The following RBFOX1 variants were observed in gnomAD, a reference collection of about 807,000 sequenced individuals.
RBFOX1 encodes RNA binding protein fox-1 homolog 1.
Under a neutral mutation model 57.7 loss-of-function variants are expected in RBFOX1, and 8 were observed. The observed-to-expected ratio is 0.14, with a 90% CI of 0.08 to 0.25. RBFOX1 has a LOEUF of 0.25. Ranked by LOEUF, RBFOX1 falls within the 10% of genes least tolerant of loss-of-function variation. RBFOX1 has a pLI of 1.00. For synonymous variants in RBFOX1, 326 were observed against 222.4 expected (o/e 1.47, Z -4.15); for missense variants, 611 against 548.5 (o/e 1.11, Z -1.14).
chr16:6,106,734 C>G (rs1337835025), intron 1 of RBFOX1, among the ~76,000 whole-genome samples: 2 of 152,108 alleles, frequency 1.3e-5, no homozygotes, highest in Admixed American at 1.3e-4. Context: ...GTGGCCTGAT[C>G]TCAGCTCACT....
In RBFOX1 at chr16:6,844,581, T is replaced by G. The variant is rs554376463; in HGVS notation, c.-16+189931T>G. ...ACGACTTTTTTTTTTATCCAGTCTT[T>G]GTCATTGATGGGCATTTAGGTTGAG... On this transcript the variant is annotated intron_variant, in intron 3 of 15. Coordinates refer to ENST00000550418, the MANE Select transcript of RBFOX1 (RefSeq NM_018723.4). Among the ~76,000 whole-genome samples, 5 of 152,268 alleles carry G rather than the reference T, an allele frequency of 3.3e-5. No homozygotes were observed. The East Asian group carries it at 9.7e-4, about 29-fold the overall frequency.
intron 3 of RBFOX1, among the ~76,000 whole-genome samples, chr16:5,751,499 T>C (rs2053202494): frequency 6.6e-6 from 1 of 152,182 alleles, no homozygotes; most frequent in Non-Finnish European, 1.5e-5. Flanking sequence ...CACATAATTG[T>C]TTTTGGTCTC....
intron 4 of RBFOX1, among the ~76,000 whole-genome samples, chr16:5,899,670 A>C (rs1266469723): frequency 6.6e-6 from 1 of 152,180 alleles, no homozygotes; most frequent in African/African-American, 2.4e-5. Flanking sequence ...TGCATTATCA[A>C]AGCTGGAGAG....
chr16:6,000,627 G>A (rs1328198566), intron 4 of RBFOX1, among the ~76,000 whole-genome samples: 1 of 152,044 alleles, frequency 6.6e-6, no homozygotes, highest in African/African-American at 2.4e-5. Context: ...TTTGTTGAAT[G>A]GATGGATAGG....
intron 3 of RBFOX1, among the ~76,000 whole-genome samples, chr16:6,823,375 GC>G (rs1396198007): frequency 6.6e-6 from 1 of 151,822 alleles, no homozygotes; most frequent in Non-Finnish European, 1.5e-5. Context: ...TCCTGCCTCA[GC>G]CTCCCAAGTA....
At chr16:6,440,907 A>G (rs1441047764) in intron 2 of RBFOX1, among the ~76,000 whole-genome samples, 1 of 152,102 alleles carries the variant, frequency 6.6e-6, no homozygotes, top group African/African-American at 2.4e-5. Flanking sequence ...GGAGAATAGA[A>G]GGCAATGCTC....
chr16:5,421,775 C>T (rs2067335233), intron 1 of RBFOX1, among the ~76,000 whole-genome samples: 1 of 152,196 alleles, frequency 6.6e-6, no homozygotes, highest in South Asian at 2.1e-4. Flanking sequence ...ATAACCCTTA[C>T]TCATCCAGAT....
At chr16:7,572,722 A>G (rs1164951311) in intron 5 of RBFOX1, among the ~76,000 whole-genome samples, 1 of 151,916 alleles carries the variant, frequency 6.6e-6, no homozygotes, top group Non-Finnish European at 1.5e-5. Flanking sequence ...GCCTGTAGTC[A>G]CAGCTACTCG....
intron 1 of RBFOX1, among the ~76,000 whole-genome samples, chr16:6,213,772 C>T (rs545526298): frequency 7.2e-5 from 11 of 152,318 alleles, no homozygotes; most frequent in Non-Finnish European, 1.2e-4. Context: ...AGCGAAAGCG[C>T]ATTCACCATG....
intron 2 of RBFOX1, among the ~76,000 whole-genome samples, chr16:6,652,008 G>C (rs1309322789): frequency 6.6e-6 from 1 of 152,212 alleles, no homozygotes; most frequent in African/African-American, 2.4e-5. Flanking sequence ...CAAGTGTTAA[G>C]TCCTCAATTG....
chr16:5,808,845 T>C (rs976130721), intron 3 of RBFOX1, among the ~76,000 whole-genome samples: 2 of 152,206 alleles, frequency 1.3e-5, no homozygotes, highest in African/African-American at 2.4e-5. Flanking sequence ...TTTCTAGATA[T>C]ACAATCATGT....
At chr16:7,193,570 C>T (rs1029421372) in intron 4 of RBFOX1, among the ~76,000 whole-genome samples, 53 of 152,202 alleles carry the variant, frequency 3.5e-4, no homozygotes, top group Admixed American at 6.5e-5. Flanking sequence ...CTCTTATGAG[C>T]ATTTTACATG....
Position 7,579,860 on chromosome 16 carries a change from G to T in RBFOX1, c.354G>T (p.Arg118=). The stretch of plus-strand genomic sequence containing the variant: ...CGGAAAACAAGTCTCAGCCCAAGCG[G>T]CTGCATGTCTCCAATATCCCCTTCA... ...ENTENKSQPK[R]LHVSNIPFRF... is the part of the protein sequence containing the mutation. Residue 118 remains arginine (R), a synonymous_variant, in exon 6 of 16, where the codon CGG becomes CGT. Transcript: ENST00000550418. 6.2e-7 allele frequency: 1 copy of T among 1,614,068 alleles called. No homozygotes were observed. The highest frequency in any genetic ancestry group is 8.5e-7 in the Non-Finnish European group (1 of 1,179,962).
intron 14 of RBFOX1, among the ~76,000 whole-genome samples, chr16:7,702,441 C>T (rs549272361): frequency 3.3e-5 from 5 of 152,318 alleles, no homozygotes; most frequent in South Asian, 4.1e-4. Flanking sequence ...TTCAGTAGGA[C>T]TGTGAGATCT....
intron 12 of RBFOX1, among the ~76,000 whole-genome samples, chr16:7,662,953 C>A (rs1197297146): frequency 1.3e-5 from 2 of 152,358 alleles, no homozygotes; most frequent in South Asian, 4.1e-4. Flanking sequence ...TGCTTCCCAT[C>A]TAACTTGGCT....
intron 3 of RBFOX1, among the ~76,000 whole-genome samples, chr16:6,992,453 C>G (rs374917968): frequency 2.2e-4 from 34 of 152,020 alleles, no homozygotes; most frequent in African/African-American, 8.2e-4. Flanking sequence ...CTTGATCTCA[C>G]GTGATCTGCC....
intron 15 of RBFOX1, chr16:7,710,271 G>A (rs2083779792): frequency 3.6e-6 from 4 of 1,110,000 alleles, no homozygotes; most frequent in Admixed American, 1.1e-4. Flanking sequence ...GTGTTGGAGA[G>A]TTGAATTACA....
At chr16:7,547,462 A>C (rs1291206215) in intron 5 of RBFOX1, among the ~76,000 whole-genome samples, 1 of 152,230 alleles carries the variant, frequency 6.6e-6, no homozygotes, top group Non-Finnish European at 1.5e-5. Context: ...GGGAAAGAAG[A>C]AAATGATCAT....
chr16:6,928,607 C>G (rs942699401), intron 3 of RBFOX1, among the ~76,000 whole-genome samples: 1 of 152,050 alleles, frequency 6.6e-6, no homozygotes, highest in Admixed American at 6.6e-5. Flanking sequence ...TTACAGTTAC[C>G]CTGTAGCTCC....
Sources: gnomAD v4.1 joint callset for allele counts (sites outside exome capture counted in the v4.1 genomes callset) on GRCh38, gnomAD v4.1.1 for gene constraint, MANE v1.5 for transcripts, NCBI Gene and HGNC (gene_info 2026-07-23, HGNC 2026-07-21) for gene names.